NRXN1: variants seen among roughly 807,000 people sequenced by gnomAD.
NRXN1 encodes the protein neurexin 1.
Under a neutral mutation model 150.9 loss-of-function variants are expected in NRXN1, and 39 were observed. That is an observed-to-expected ratio of 0.26 (90% CI 0.20 to 0.34). The LOEUF (loss-of-function observed/expected upper bound fraction) is 0.34. Ranked by LOEUF, NRXN1 falls within the 10% of genes least tolerant of loss-of-function variation. The pLI, the probability that NRXN1 is intolerant of heterozygous loss-of-function variation, is 1.00. For missense variants in NRXN1, 1,815 were observed against 1,949.9 expected (o/e 0.93, Z 1.30); for synonymous variants, 924 against 757.0 (o/e 1.22, Z -3.62).
At chr2:50,835,037 G>C (rs1671918953) in intron 5 of NRXN1, among the ~76,000 whole-genome samples, 1 of 152,062 alleles carries the variant, frequency 6.6e-6, no homozygotes, top group Non-Finnish European at 1.5e-5. Context: ...GTTTTCCTTA[G>C]ACCTGTATTT....
chr2:50,375,711 TGTAA>T (rs1178989510), intron 17 of NRXN1, among the ~76,000 whole-genome samples: 2 of 151,424 alleles, frequency 1.3e-5, no homozygotes, highest in Non-Finnish European at 2.9e-5. Flanking sequence ...CTCAAATGCA[TGTAA>T]GTGTCAAAAT....
intron 19 of NRXN1, among the ~76,000 whole-genome samples, chr2:50,065,840 G>A (rs1695277162): frequency 1.3e-5 from 2 of 152,146 alleles, no homozygotes; most frequent in African/African-American, 4.8e-5. Flanking sequence ...CGTTGGAAAT[G>A]GAGAGAGGAT....
intron 5 of NRXN1, among the ~76,000 whole-genome samples, chr2:50,855,294 A>G (rs1003714036): frequency 6.6e-6 from 1 of 152,084 alleles, no homozygotes; most frequent in Non-Finnish European, 1.5e-5. Context: ...CAAGCAATGA[A>G]CGTATGTTTC....
intron 21 of NRXN1, among the ~76,000 whole-genome samples, chr2:49,981,692 C>T (rs1490802814): frequency 6.6e-6 from 1 of 152,004 alleles, no homozygotes; most frequent in Non-Finnish European, 1.5e-5. Flanking sequence ...TGAATGTTGC[C>T]TATTAACAAA....
intron 17 of NRXN1, among the ~76,000 whole-genome samples, chr2:50,354,586 T>TATATATATATATATATATATATAC (rs1273118975): frequency 3.0e-4 from 37 of 124,806 alleles, no homozygotes; most frequent in Non-Finnish European, 5.2e-4. Context: ...TATATATATA[T>TATATATATATATATATATATATAC]ACACACACAC....
intron 17 of NRXN1, among the ~76,000 whole-genome samples, chr2:50,293,712 C>T (rs939642815): frequency 6.6e-6 from 1 of 152,018 alleles, no homozygotes; most frequent in Non-Finnish European, 1.5e-5. Flanking sequence ...AGCAGTGCAC[C>T]CTCAGAAATC....
chr2:50,607,001 T>C (rs924513254), intron 8 of NRXN1, among the ~76,000 whole-genome samples: 1 of 152,006 alleles, frequency 6.6e-6, no homozygotes, highest in Non-Finnish European at 1.5e-5. Flanking sequence ...GTAGGGGTGG[T>C]GGTGGTATTT....
chr2:50,593,646 T>C (rs1030735827), intron 8 of NRXN1, among the ~76,000 whole-genome samples: 4 of 152,218 alleles, frequency 2.6e-5, no homozygotes, highest in African/African-American at 9.6e-5. Flanking sequence ...AATTGTGTGA[T>C]GCTATTTTAT....
intron 21 of NRXN1, among the ~76,000 whole-genome samples, chr2:50,018,809 T>C (rs977516590): frequency 3.9e-5 from 6 of 152,192 alleles, no homozygotes; most frequent in African/African-American, 1.4e-4. Flanking sequence ...ACATTTCCTT[T>C]TCCATTTATG....
intron 17 of NRXN1, among the ~76,000 whole-genome samples, chr2:50,394,409 C>T (rs1046554053): frequency 6.6e-6 from 1 of 152,126 alleles, no homozygotes; most frequent in Non-Finnish European, 1.5e-5. Flanking sequence ...AACAAGTCTT[C>T]CGCTAATAAC....
At chr2:50,087,503 A>G (rs989576842) in intron 19 of NRXN1, among the ~76,000 whole-genome samples, 12 of 152,118 alleles carry the variant, frequency 7.9e-5, no homozygotes, top group Admixed American at 6.5e-4. Context: ...TGAGAAAGAA[A>G]GTCTATTTTT....
intron 17 of NRXN1, among the ~76,000 whole-genome samples, chr2:50,278,242 A>ATATATATTTATTATATATAT (rs1553368219): frequency 8.5e-6 from 1 of 118,286 alleles, no homozygotes; most frequent in Non-Finnish European, 1.6e-5. Context: ...TATATATATA[A>ATATATATTTATTATATATAT]TATATATATA....
At position 50,334,209 on chromosome 2, in the gene NRXN1, A is replaced by ATATATATGTATG. The variant is rs760530144; in HGVS notation, c.3365-97240_3365-97239insCATACATATATA. On this transcript the variant is annotated intron_variant, in intron 17 of 22. Transcript: ENST00000401669. ...CAGGACCAAATATATATATATATAT[A>ATATATATGTATG]TATGTATGTAGATATTGTTTAACGG... 2.8e-4 allele frequency among the ~76,000 whole-genome samples: 34 copies of ATATATATGTATG among 121,466 alleles called. 4 individuals are homozygous for ATATATATGTATG. Among genetic ancestry groups the ATATATATGTATG allele is most frequent in the African/African-American group, 1.4e-3 (33 of 22,874 alleles). 79.7% of individuals were successfully genotyped at this position (121,466 alleles called of 152,430 possible).
intron 2 of NRXN1, among the ~76,000 whole-genome samples, chr2:51,020,834 T>C (rs1393753423): frequency 2.6e-5 from 4 of 152,106 alleles, no homozygotes; most frequent in Non-Finnish European, 5.9e-5. Flanking sequence ...CAAATAATCA[T>C]GTGGCAAGAA....
chr2:49,974,724 A>T lies in NRXN1; in HGVS notation c.4129-30933T>A, dbSNP rs761590139. 5.0e-4 allele frequency among the ~76,000 whole-genome samples: 75 copies of T among 150,172 alleles called. 1 individual carries two copies. Among genetic ancestry groups the T allele is most frequent in the Non-Finnish European group, 8.9e-4 (60 of 67,708 alleles). On this transcript the variant is annotated intron_variant, in intron 21 of 22. Transcript: ENST00000401669. ...TTTATGGGATGAGTTTGTAAAGACA[A>T]TTATGCAACATTAAGAAATACATTC... is the stretch of plus-strand genomic sequence containing the variant.
At chr2:50,764,343 T>C (rs1280539502) in intron 5 of NRXN1, among the ~76,000 whole-genome samples, 2 of 152,040 alleles carry the variant, frequency 1.3e-5, no homozygotes, top group African/African-American at 2.4e-5. Context: ...ACTTTGCGTA[T>C]GGTGCAAACC....
intron 8 of NRXN1, among the ~76,000 whole-genome samples, chr2:50,588,452 T>C (rs1267749132): frequency 6.6e-6 from 1 of 152,132 alleles, no homozygotes; most frequent in Non-Finnish European, 1.5e-5. Context: ...ATAAACATTG[T>C]GACAGTATAG....
chr2:50,327,707 T>C (rs2076480800), intron 17 of NRXN1, among the ~76,000 whole-genome samples: 2 of 151,782 alleles, frequency 1.3e-5, no homozygotes, highest in Non-Finnish European at 2.9e-5. Context: ...TGAAGTGCAG[T>C]GGAAAAATCT....
chr2:50,072,020 CTA>C (rs1277564899), intron 19 of NRXN1, among the ~76,000 whole-genome samples: 1 of 152,104 alleles, frequency 6.6e-6, no homozygotes, highest in African/African-American at 2.4e-5. Flanking sequence ...ATGACTAAAA[CTA>C]TAAAATAATA....
Sources: allele counts gnomAD v4.1 joint callset (sites outside exome capture counted in the v4.1 genomes callset), GRCh38; gene constraint gnomAD v4.1.1; transcripts MANE v1.5; gene names NCBI Gene and HGNC (gene_info 2026-07-23, HGNC 2026-07-21).